MCPH1: variants seen among roughly 807,000 people sequenced by gnomAD.
The protein encoded by MCPH1 is microcephalin.
A neutral mutation model predicts 84.5 loss-of-function variants in MCPH1; 104 were observed. That is an observed-to-expected ratio of 1.23 (90% CI 1.05 to 1.45). MCPH1 has a LOEUF of 1.45. Among genes scored for constraint, MCPH1 ranks in the 40% most tolerant of loss-of-function variants. MCPH1 has a pLI of 0.00. For missense variants in MCPH1, 1,498 were observed against 1,005.7 expected, an observed-to-expected ratio of 1.49 and a Z score of -6.62; for synonymous variants, 514 against 366.8, an observed-to-expected ratio of 1.40 and a Z score of -4.58.
At chr8:6,496,510 C>T (rs1266636844) in intron 11 of MCPH1, among the ~76,000 whole-genome samples, 1 of 152,074 alleles carries the variant, frequency 6.6e-6, no homozygotes, top group Admixed American at 6.5e-5. Context: ...ACTTTCGCCA[C>T]ACGGAAGCCC....
intron 11 of MCPH1, among the ~76,000 whole-genome samples, chr8:6,485,114 C>T (rs568909009): frequency 1.3e-5 from 2 of 150,824 alleles, no homozygotes; most frequent in African/African-American, 4.9e-5. Context: ...ATCACGAGGT[C>T]AGCAGTTCAA....
chr8:6,590,509 A>G (rs908885050), intron 12 of MCPH1, among the ~76,000 whole-genome samples: 3 of 152,214 alleles, frequency 2.0e-5, no homozygotes, highest in Admixed American at 2.0e-4. Context: ...CTCGGCCACT[A>G]GACAGAATCT....
In MCPH1 at chr8:6,414,815, C is replaced by G; in HGVS notation, c.165C>G (p.Gly55=). Residue 55 remains glycine (G), a synonymous_variant, in exon 3 of 14, where the codon GGC becomes GGG. Coordinates refer to ENST00000344683, the MANE Select transcript of MCPH1 (RefSeq NM_024596.5). ...KQVTHVIFKD[G]YQSTWDKAQK... ...TAACTCACGTTATCTTCAAAGATGG[C>G]TACCAGAGCACTTGGGACAAAGCTC... 3 of 1,613,718 alleles carry G rather than the reference C, an allele frequency of 1.9e-6. No individual in the cohort carries two copies. The highest frequency in any genetic ancestry group is 1.7e-6 in the Non-Finnish European group (2 of 1,179,848).
intron 12 of MCPH1, among the ~76,000 whole-genome samples, chr8:6,582,126 G>C (rs1827611655): frequency 6.6e-6 from 1 of 152,184 alleles, no homozygotes; most frequent in Admixed American, 6.5e-5. Flanking sequence ...GTGTTGTAAA[G>C]GACGTCTGAG....
chr8:6,492,721 A>G (rs1308461030), intron 11 of MCPH1, among the ~76,000 whole-genome samples: 1 of 126,052 alleles, frequency 7.9e-6, no homozygotes, highest in Non-Finnish European at 1.7e-5. Context: ...ATTTTATATT[A>G]AATTATCAAA....
intron 8 of MCPH1, among the ~76,000 whole-genome samples, chr8:6,450,955 G>A (rs1418376740): frequency 1.3e-5 from 2 of 152,074 alleles, no homozygotes; most frequent in South Asian, 2.1e-4. Context: ...CAATCTGCCC[G>A]CCTCTGCCTC....
chr8:6,446,714 G>A (rs547911095), intron 8 of MCPH1: 1 of 985,254 alleles, frequency 1.0e-6, no homozygotes, highest in Non-Finnish European at 1.2e-6. Context: ...CATCTTTCCA[G>A]TTTTCACCTT....
At chr8:6,439,372 TA>T (rs34298347) in intron 6 of MCPH1, among the ~76,000 whole-genome samples, 1 of 144,206 alleles carries the variant, frequency 6.9e-6, no homozygotes. Flanking sequence ...TCTTTTTTTT[TA>T]AAAAAAAATG....
intron 13 of MCPH1, among the ~76,000 whole-genome samples, chr8:6,637,330 G>T (rs1044985995): frequency 2.6e-5 from 4 of 152,188 alleles, no homozygotes; most frequent in African/African-American, 9.7e-5. Flanking sequence ...CCCCTTGCAG[G>T]TGAGTGGCAT....
intron 12 of MCPH1, among the ~76,000 whole-genome samples, chr8:6,583,480 C>G (rs1475261984): frequency 6.6e-6 from 1 of 152,184 alleles, no homozygotes; most frequent in Non-Finnish European, 1.5e-5. Flanking sequence ...CATGTTATGT[C>G]AGCACAGGGA....
intron 8 of MCPH1, chr8:6,447,063 A>T: frequency 4.1e-6 from 4 of 985,440 alleles, no homozygotes; most frequent in Non-Finnish European, 4.8e-6. Flanking sequence ...CTAGTGCGAG[A>T]GGATCTTCTA....
intron 12 of MCPH1, chr8:6,513,672 A>C: frequency 6.2e-7 from 1 of 1,604,168 alleles, no homozygotes; most frequent in Non-Finnish European, 8.5e-7. Context: ...CCATGAACTC[A>C]CTTACCTATA....
intron 9 of MCPH1, among the ~76,000 whole-genome samples, chr8:6,455,993 G>C (rs1233446786): frequency 6.6e-6 from 1 of 152,190 alleles, no homozygotes; most frequent in East Asian, 1.9e-4. Context: ...ACGCAGGCTT[G>C]AACAGATGGG....
chr8:6,418,634 G>C (rs568322668), intron 3 of MCPH1, among the ~76,000 whole-genome samples: 3 of 152,240 alleles, frequency 2.0e-5, no homozygotes, highest in African/African-American at 7.2e-5. Flanking sequence ...CCAGGCTGGA[G>C]TGCAGTGGCG....
rs770430957 is a variant in MCPH1 at position 6,445,305 on chromosome 8, C to A, written c.1583C>A (p.Thr528Asn). 1.2e-6 allele frequency: 2 copies of A among 1,614,182 alleles called. No individual in the cohort carries two copies. ...CCAGAGGGAAATGGCTTTTCTTACA[C>A]CATTGAGGACCCTGCTCTTCCAAAA... The part of the protein sequence containing the change: ...ACPEGNGFSY[T>N]IEDPALPKGH... The change falls in exon 8 of 14, where the codon ACC (threonine) becomes AAC (asparagine). Residue 528 changes from threonine (T) to asparagine (N), a missense_variant. By Grantham distance (65) the Thr-to-Asn change is moderately conservative. Transcript: ENST00000344683.
intron 13 of MCPH1, among the ~76,000 whole-genome samples, chr8:6,642,084 T>C (rs111576259): frequency 3.0e-4 from 46 of 152,352 alleles, no homozygotes; most frequent in South Asian, 1.7e-3. Context: ...TTTTCTTTTT[T>C]GTACCATACC....
Position 6,596,724 on chromosome 8 carries a change from G to A in MCPH1, c.2215-24730G>A, listed in dbSNP as rs1021856199. 5.3e-5 allele frequency among the ~76,000 whole-genome samples: 8 copies of A among 152,212 alleles called. 1 individual carries two copies. Among genetic ancestry groups the A allele is most frequent in the African/African-American group, 1.4e-4 (6 of 41,526 alleles). On this transcript the variant is annotated intron_variant, in intron 12 of 13. Coordinates refer to ENST00000344683, the MANE Select transcript of MCPH1 (RefSeq NM_024596.5). Reference sequence around the variant, plus strand: ...ACCAGCACAGATCCCACAATGCAACGATGCCAAAAAACGGTAGAACTGAAA... The same window carrying A: ...ACCAGCACAGATCCCACAATGCAACAATGCCAAAAAACGGTAGAACTGAAA...
At chr8:6,459,022 A>T (rs1013177802) in intron 9 of MCPH1, among the ~76,000 whole-genome samples, 3 of 152,208 alleles carry the variant, frequency 2.0e-5, no homozygotes. Context: ...AGAGAAGTTT[A>T]TGTTGATATG....
At chr8:6,424,817 T>TAG (rs1468297545) in intron 3 of MCPH1, among the ~76,000 whole-genome samples, 2 of 152,220 alleles carry the variant, frequency 1.3e-5, no homozygotes, top group Non-Finnish European at 2.9e-5. Context: ...TGTGCAGACT[T>TAG]CTCTGAGTCT....
Sources: gnomAD v4.1 joint callset for allele counts (sites outside exome capture counted in the v4.1 genomes callset) on GRCh38, gnomAD v4.1.1 for gene constraint, MANE v1.5 for transcripts, NCBI Gene and HGNC (gene_info 2026-07-23, HGNC 2026-07-21) for gene names.